The following TWIST2 variants were observed in gnomAD, a reference collection of about 807,000 sequenced individuals.
TWIST2 encodes twist-related protein 2.
Under a neutral mutation model 11.6 loss-of-function variants are expected in TWIST2, and 1 was observed. The ratio of observed to expected loss-of-function variants is 0.09; its 90% CI spans 0.03 to 0.41. The LOEUF (loss-of-function observed/expected upper bound fraction) is 0.41. TWIST2 is among the 10% of genes least tolerant of loss of function. The pLI is 0.98. For synonymous variants in TWIST2, 87 were observed against 96.6 expected, an observed-to-expected ratio of 0.90 and a Z score of 0.58; for missense variants, 168 against 226.4, an observed-to-expected ratio of 0.74 and a Z score of 1.66.
chr2:238,865,887 C>T (rs1218974155), intron 1 of TWIST2, among the ~76,000 whole-genome samples: 2 of 152,128 alleles, frequency 1.3e-5, no homozygotes, highest in Non-Finnish European at 2.9e-5. Context: ...CTGTGATGAA[C>T]CCTTTCCAGT....
At chr2:238,865,365 A>G (rs1692512463) in intron 1 of TWIST2, among the ~76,000 whole-genome samples, 1 of 152,204 alleles carries the variant, frequency 6.6e-6, no homozygotes, top group South Asian at 2.1e-4. Flanking sequence ...CTCCCCATGC[A>G]GCAGGGAGTA....
chr2:238,853,431 A>AGGAGAGAGGGAGAGAT (rs1559266471), intron 1 of TWIST2, among the ~76,000 whole-genome samples: 1 of 109,582 alleles, frequency 9.1e-6, no homozygotes, highest in East Asian at 2.3e-4. Context: ...GAGAGAGAGA[A>AGGAGAGAGGGAGAGAT]GGAGAGAGGG....
chr2:238,894,444 C>G (rs2106370723), intron 1 of TWIST2, among the ~76,000 whole-genome samples: 1 of 152,350 alleles, frequency 6.6e-6, no homozygotes, highest in South Asian at 2.1e-4. Context: ...TGGCCCCTTG[C>G]CGCCTGCACA....
rs766264355 is a variant in TWIST2 at position 238,848,488 on chromosome 2, G to T, written c.273G>T (p.Lys91Asn). ...ACGAGGCCTTCGCGGCGCTGCGCAA[G>T]ATCATCCCCACGCTGCCCTCTGACA... Reference protein sequence around the residue: ...SLNEAFAALRKIIPTLPSDKL... With the variant: ...SLNEAFAALRNIIPTLPSDKL... The change falls in exon 1 of 2, where the codon AAG becomes AAT. Residue 91 changes from lysine to asparagine, a missense_variant. Lys to Asn is a moderately conservative substitution (Grantham distance 94). Coordinates refer to ENST00000612363, the MANE Select transcript of TWIST2 (RefSeq NM_001271893.4). The T allele has an allele frequency of 1.3e-6, 2 of 1,581,912 alleles. No homozygotes were observed. The highest frequency in any genetic ancestry group is 1.8e-5 in the Admixed American group (1 of 55,814).
chr2:238,892,041 C>T (rs993675438), intron 1 of TWIST2, among the ~76,000 whole-genome samples: 3 of 152,164 alleles, frequency 2.0e-5, no homozygotes, highest in Non-Finnish European at 4.4e-5. Context: ...CTGAGCCATG[C>T]GGGTGCTGTG....
At chr2:238,909,806 G>T (rs1404372658) in intron 1 of TWIST2, 36 bp from the exon 2 acceptor site, 1 of 152,244 alleles carries the variant, frequency 6.6e-6, no homozygotes, top group Admixed American at 6.5e-5. Context: ...CGAGCGAGGC[G>T]GCCGTAGCTC....
At chr2:238,901,446 G>A (rs1241265045) in intron 1 of TWIST2, among the ~76,000 whole-genome samples, 6 of 152,256 alleles carry the variant, frequency 3.9e-5, no homozygotes, top group African/African-American at 1.2e-4. Context: ...GACAATTCTG[G>A]TTTTCTCCAG....
At chr2:238,893,886 C>T (rs1429796838) in intron 1 of TWIST2, among the ~76,000 whole-genome samples, 1 of 152,140 alleles carries the variant, frequency 6.6e-6, no homozygotes, top group African/African-American at 2.4e-5. Context: ...TACGACGCGC[C>T]GTCCTCCTGC....
intron 1 of TWIST2, among the ~76,000 whole-genome samples, chr2:238,869,133 G>C (rs1250143402): frequency 6.6e-6 from 1 of 152,214 alleles, no homozygotes; most frequent in East Asian, 1.9e-4. Flanking sequence ...TGCAAAGCCT[G>C]CTTCCGAAGC....
rs1388571890 is a variant in TWIST2 at position 238,902,707 on chromosome 2, G to GGTGTGTGTGAT, written c.*36-7121_*36-7111dup. Among the ~76,000 whole-genome samples the GGTGTGTGTGAT allele has an allele frequency of 1.4e-4, 20 of 138,304 alleles. 1 individual carries two copies. Among genetic ancestry groups the GGTGTGTGTGAT allele is most frequent in the African/African-American group, 5.5e-4 (20 of 36,222 alleles). 90.7% of individuals were successfully genotyped at this position (138,304 alleles called of 152,430 possible). On this transcript the variant is annotated intron_variant, in intron 1 of 1. Coordinates refer to ENST00000612363, the MANE Select transcript of TWIST2 (RefSeq NM_001271893.4). ...GTGTGATATGGGGTGTGATGTGTGA[G>GGTGTGTGTGAT]GTGTGTGTGATGTGTGTGTGATGTA...
At chr2:238,848,805 C>T (rs569165322) in intron 1 of TWIST2, 72 bp downstream of exon 1, 401 of 1,195,658 alleles carry the variant, frequency 3.4e-4, no homozygotes, top group Non-Finnish European at 3.8e-4. Flanking sequence ...GGCATTGGGG[C>T]CTGCTCGTGT....
At chr2:238,909,042 T>C (rs1362708650) in intron 1 of TWIST2, among the ~76,000 whole-genome samples, 284 of 5,506 alleles carry the variant, frequency 0.052, 14 homozygotes, top group South Asian at 0.11. Context: ...GTATTCGTGG[T>C]TGTGGTATGT....
intron 1 of TWIST2, among the ~76,000 whole-genome samples, chr2:238,855,165 G>A (rs544326387): frequency 1.3e-5 from 2 of 152,184 alleles, no homozygotes; most frequent in Non-Finnish European, 2.9e-5. Context: ...GAAAGTTTGT[G>A]TGAACTTTAA....
chr2:238,861,440 G>A (rs1692434038), intron 1 of TWIST2, among the ~76,000 whole-genome samples: 1 of 152,072 alleles, frequency 6.6e-6, no homozygotes, highest in Non-Finnish European at 1.5e-5. Flanking sequence ...GTGAGTGTAG[G>A]GTAACTAGAA....
chr2:238,896,545 G>C (rs1188256070), intron 1 of TWIST2, among the ~76,000 whole-genome samples: 17 of 152,290 alleles, frequency 1.1e-4, no homozygotes, highest in African/African-American at 4.1e-4. Flanking sequence ...GCTGCCACCT[G>C]AACACGTCCT....
intron 1 of TWIST2, among the ~76,000 whole-genome samples, chr2:238,871,888 C>G (rs548263895): frequency 2.8e-4 from 42 of 151,944 alleles, no homozygotes; most frequent in Non-Finnish European, 5.3e-4. Flanking sequence ...TGCCGGGGGC[C>G]GAGGGGAGGA....
intron 1 of TWIST2, among the ~76,000 whole-genome samples, chr2:238,877,363 A>C (rs1692825952): frequency 6.6e-6 from 1 of 152,162 alleles, no homozygotes; most frequent in Non-Finnish European, 1.5e-5. Context: ...GCAGAAGATA[A>C]AAGTATTAAC....
intron 1 of TWIST2, among the ~76,000 whole-genome samples, chr2:238,870,201 CAA>C (rs775887945): frequency 4.8e-5 from 2 of 42,064 alleles, no homozygotes; most frequent in African/African-American, 1.9e-4. Flanking sequence ...ATACCACACA[CAA>C]ACCACACACC....
At chr2:238,868,847 G>T (rs973807598) in intron 1 of TWIST2, among the ~76,000 whole-genome samples, 1 of 152,234 alleles carries the variant, frequency 6.6e-6, no homozygotes, top group Non-Finnish European at 1.5e-5. Context: ...GTGCCGGCCG[G>T]TGCAGGGGCT....
Sources: gnomAD v4.1 joint callset for allele counts (sites outside exome capture counted in the v4.1 genomes callset) on GRCh38, gnomAD v4.1.1 for gene constraint, MANE v1.5 for transcripts, NCBI Gene and HGNC (gene_info 2026-07-23, HGNC 2026-07-21) for gene names.